The following SUMF1 variants were observed in gnomAD, a reference collection of about 807,000 sequenced individuals.
SUMF1 encodes the protein formylglycine-generating enzyme.
In SUMF1, 48 loss-of-function variants were observed where a neutral mutation model predicts 47.6. That is an observed-to-expected ratio of 1.01 (90% CI 0.80 to 1.28). SUMF1 has a LOEUF of 1.28. Ranked by LOEUF, SUMF1 falls within the 50% of genes most tolerant of loss-of-function variation. The pLI, the probability that SUMF1 is intolerant of heterozygous loss-of-function variation, is 0.00. For synonymous variants in SUMF1, 230 were observed against 192.1 expected, an observed-to-expected ratio of 1.20 and a Z score of -1.63; for missense variants, 571 against 485.4, an observed-to-expected ratio of 1.18 and a Z score of -1.66.
intron 8 of SUMF1, among the ~76,000 whole-genome samples, chr3:4,233,589 T>G (rs1042644664): frequency 6.6e-6 from 1 of 152,074 alleles, no homozygotes; most frequent in Non-Finnish European, 1.5e-5. Context: ...GACAACCAAT[T>G]TGAATTGTTT....
chr3:4,201,426 T>A (rs1380934541), intron 8 of SUMF1, among the ~76,000 whole-genome samples: 2 of 152,116 alleles, frequency 1.3e-5, no homozygotes, highest in African/African-American at 4.8e-5. Context: ...TTATTTCACT[T>A]GACATTATGT....
At chr3:4,247,042 T>C (rs766488264) in intron 8 of SUMF1, among the ~76,000 whole-genome samples, 22 of 152,136 alleles carry the variant, frequency 1.4e-4, no homozygotes, top group Non-Finnish European at 2.2e-4. Context: ...GGTGACTTCA[T>C]GTTTTCAGTA....
intron 8 of SUMF1, among the ~76,000 whole-genome samples, chr3:4,254,021 A>T (rs1283901070): frequency 2.0e-5 from 3 of 151,020 alleles, no homozygotes; most frequent in Non-Finnish European, 4.4e-5. Flanking sequence ...CACACACAGC[A>T]GGGTATTCCA....
At chr3:4,266,051 G>A (rs9714376) in intron 8 of SUMF1, among the ~76,000 whole-genome samples, 2,440 of 152,152 alleles carry the variant, frequency 0.016, 71 homozygotes, top group African/African-American at 0.056. Flanking sequence ...GACATGCGGC[G>A]TTATTTCTGA....
intron 8 of SUMF1, among the ~76,000 whole-genome samples, chr3:4,136,611 A>C (rs1329021341): frequency 1.3e-5 from 2 of 151,966 alleles, no homozygotes; most frequent in Admixed American, 1.3e-4. Context: ...AAAAGCCAAA[A>C]TTGACAAATG....
intron 8 of SUMF1, among the ~76,000 whole-genome samples, chr3:4,142,858 A>G (rs971141841): frequency 5.9e-5 from 9 of 152,082 alleles, no homozygotes; most frequent in Admixed American, 3.9e-4. Flanking sequence ...GAACTACTAG[A>G]ATGTTCATCT....
At chr3:4,404,105 T>G (rs1223548127) in intron 7 of SUMF1, among the ~76,000 whole-genome samples, 2 of 152,240 alleles carry the variant, frequency 1.3e-5, no homozygotes, top group Non-Finnish European at 2.9e-5. Flanking sequence ...TCTAAATATC[T>G]GAACCATACA....
At chr3:4,418,284 T>C in intron 4 of SUMF1, 152 bp from the exon 5 acceptor site, 1 of 1,184,942 alleles carries the variant, frequency 8.4e-7, no homozygotes. Context: ...ATGCTACATC[T>C]GTCATGCTCC....
chr3:4,282,426 T>C (rs1237836853), intron 8 of SUMF1, among the ~76,000 whole-genome samples: 1 of 152,208 alleles, frequency 6.6e-6, no homozygotes, highest in Non-Finnish European at 1.5e-5. Flanking sequence ...ATTTCTACAA[T>C]AATTAGTTAG....
Position 4,410,904 on chromosome 3 carries a change from C to G in SUMF1, c.915G>C (p.Trp305Cys). The G allele has an allele frequency of 6.2e-7, 1 of 1,614,076 alleles. No individual in the cohort carries two copies. ...CTTCAACAGAATGATGAACAGTCCA[C>G]CAGTCTGAAGTCCATTCCCATGCGT... is the stretch of plus-strand genomic sequence containing the variant. ...VGNAWEWTSD[W>C]WTVHHSVEET... The change falls in exon 7 of 9, where the codon TGG (tryptophan) becomes TGC (cysteine). Residue 305 changes from tryptophan to cysteine, a missense_variant. By Grantham distance (215) the Trp-to-Cys change is radical (BLOSUM62 -2). Transcript: ENST00000272902.
At chr3:4,034,716 T>C (rs1694760828) in intron 9 of SUMF1, among the ~76,000 whole-genome samples, 1 of 152,050 alleles carries the variant, frequency 6.6e-6, no homozygotes, top group African/African-American at 2.4e-5. Context: ...ATTCTTGCCC[T>C]GGCTCCAAGA....
intron 8 of SUMF1, among the ~76,000 whole-genome samples, chr3:4,184,880 T>G (rs990119320): frequency 6.6e-6 from 1 of 151,986 alleles, no homozygotes; most frequent in South Asian, 2.1e-4. Context: ...GAACTCCTAA[T>G]CTCAGGTGAT....
intron 8 of SUMF1, among the ~76,000 whole-genome samples, chr3:4,191,659 G>T (rs1247117209): frequency 6.6e-6 from 1 of 152,078 alleles, no homozygotes; most frequent in African/African-American, 2.4e-5. Flanking sequence ...AGGACTTGGT[G>T]TTAATTAGAT....
At chr3:4,352,737 A>C (rs1349212625) in intron 8 of SUMF1, among the ~76,000 whole-genome samples, 1 of 149,510 alleles carries the variant, frequency 6.7e-6, no homozygotes, top group Non-Finnish European at 1.5e-5. Flanking sequence ...CGTGTAAAAA[A>C]AAAAAAAAAA....
chr3:4,041,127 C>T (rs1694900908), intron 9 of SUMF1, among the ~76,000 whole-genome samples: 1 of 152,190 alleles, frequency 6.6e-6, no homozygotes, highest in African/African-American at 2.4e-5. Context: ...GGCTGGAATG[C>T]AGTGGTGCGA....
chr3:4,227,435 C>A (rs1696198432), intron 8 of SUMF1, among the ~76,000 whole-genome samples: 1 of 152,142 alleles, frequency 6.6e-6, no homozygotes. Context: ...CAGAAAACCA[C>A]AAGGGAAACT....
intron 8 of SUMF1, among the ~76,000 whole-genome samples, chr3:4,157,358 G>A (rs1179274527): frequency 4.0e-5 from 6 of 151,554 alleles, no homozygotes; most frequent in African/African-American, 1.5e-4. Context: ...AGTCACTTGA[G>A]GTTGCTTTCC....
intron 8 of SUMF1, among the ~76,000 whole-genome samples, chr3:4,167,120 C>G (rs545227234): frequency 6.6e-6 from 1 of 152,198 alleles, no homozygotes; most frequent in South Asian, 2.1e-4. Flanking sequence ...CATGATCTCA[C>G]TAACTTCAAG....
chr3:4,421,303 C>T (rs536684685), intron 3 of SUMF1, among the ~76,000 whole-genome samples: 2 of 152,182 alleles, frequency 1.3e-5, no homozygotes, highest in South Asian at 2.1e-4. Flanking sequence ...TGGGTTATTA[C>T]AAGGAGGAAA....
Sources: gnomAD v4.1 joint callset for allele counts (sites outside exome capture counted in the v4.1 genomes callset) on GRCh38, gnomAD v4.1.1 for gene constraint, MANE v1.5 for transcripts, NCBI Gene and HGNC (gene_info 2026-07-23, HGNC 2026-07-21) for gene names.